DKK3: variants seen among roughly 807,000 people sequenced by gnomAD.
DKK3 encodes dickkopf-related protein 3.
In DKK3, 22 loss-of-function variants were observed where a neutral mutation model predicts 33.2. The ratio of observed to expected loss-of-function variants is 0.66; its 90% CI spans 0.47 to 0.95. The LOEUF (loss-of-function observed/expected upper bound fraction) is 0.95. Ranked by LOEUF, DKK3 falls within the 40% of genes least tolerant of loss-of-function variation. DKK3 has a pLI of 0.00. For synonymous variants in DKK3, 194 were observed against 188.8 expected (o/e 1.03, Z -0.23); for missense variants, 398 against 458.4 (o/e 0.87, Z 1.20).
chr11:12,005,947 T>C (rs889804941), intron 1 of DKK3, among the ~76,000 whole-genome samples: 2 of 152,240 alleles, frequency 1.3e-5, no homozygotes, highest in African/African-American at 2.4e-5. Flanking sequence ...AGATAGATTC[T>C]ATTGAGAATC....
rs1283110071 is a variant in DKK3 at position 12,008,344 on chromosome 11, G to A, written c.213+26C>T. On this transcript the variant is annotated intron_variant, in intron 1 of 6. Coordinates refer to ENST00000683431, the MANE Select transcript of DKK3 (RefSeq NM_001018057.2). The surrounding 1 kb of genome is among the most constrained non-coding windows in gnomAD (Gnocchi z 4.6). ...TGCCCCCAGTCTGGCGCTTCTCAGA[G>A]CCCCGCGCCGCCAGGGCGCACCCAC... 3.8e-6 allele frequency: 6 copies of A among 1,591,502 alleles called. No individual in the cohort carries two copies. Among genetic ancestry groups the A allele is most frequent in the Non-Finnish European group, 5.1e-6 (6 of 1,174,106 alleles).
upstream of DKK3, chr11:12,009,419 G>T: frequency 2.1e-6 from 2 of 962,030 alleles, no homozygotes; most frequent in Non-Finnish European, 1.2e-6. Flanking sequence ...CCCCGCGGAG[G>T]GGCCGCAGCC....
chr11:11,998,628 G>T, intron 3 of DKK3, 68 bp downstream of exon 3: 1 of 1,427,780 alleles, frequency 7.0e-7, no homozygotes, highest in Non-Finnish European at 9.9e-7. Flanking sequence ...CTGAGTCACC[G>T]TTGGCAAACT....
chr11:11,976,170 G>C (rs1376937157), intron 3 of DKK3, among the ~76,000 whole-genome samples: 3 of 152,204 alleles, frequency 2.0e-5, no homozygotes, highest in African/African-American at 2.4e-5. Flanking sequence ...AAAAGGCCCA[G>C]AACATCAGGC....
At chr11:11,978,312 C>G (rs889141885) in intron 3 of DKK3, among the ~76,000 whole-genome samples, 11 of 152,128 alleles carry the variant, frequency 7.2e-5, no homozygotes, top group Non-Finnish European at 1.0e-4. Flanking sequence ...GGAAGCACTG[C>G]CCTTCCTCCC....
intron 4 of DKK3, 49 bp downstream of exon 4, chr11:11,968,346 G>C: frequency 6.4e-7 from 1 of 1,555,074 alleles, no homozygotes; most frequent in Non-Finnish European, 8.8e-7. Context: ...TTCTCCCCCA[G>C]GTGCCTGAGA....
chr11:11,967,147 G>C (rs756751989), intron 4 of DKK3, 49 bp from the exon 5 acceptor site: 4 of 1,595,038 alleles, frequency 2.5e-6, no homozygotes, highest in Non-Finnish European at 8.5e-7. Flanking sequence ...GGGACTGGGG[G>C]CCTGCTGAGA....
intron 5 of DKK3, 117 bp downstream of exon 5, chr11:11,966,837 G>T: frequency 7.1e-7 from 1 of 1,408,554 alleles, no homozygotes; most frequent in Non-Finnish European, 9.7e-7. Flanking sequence ...GCATTTGGGA[G>T]CCTATCCAAG....
upstream of DKK3, chr11:12,009,105 C>G: frequency 1.0e-6 from 1 of 985,768 alleles, no homozygotes; most frequent in Non-Finnish European, 1.2e-6. Context: ...GCGCCCCGCC[C>G]CACATCCACC....
intron 1 of DKK3, among the ~76,000 whole-genome samples, chr11:12,005,777 T>A (rs534529735): frequency 2.6e-5 from 4 of 152,340 alleles, no homozygotes; most frequent in African/African-American, 9.6e-5. Flanking sequence ...CCAATTATCC[T>A]GTGTCTATGA....
At chr11:11,966,809 T>C (rs1590497029) in intron 5 of DKK3, 145 bp downstream of exon 5, 2 of 1,136,828 alleles carry the variant, frequency 1.8e-6, no homozygotes, top group African/African-American at 1.5e-5. Context: ...GCTGTGGGAG[T>C]GCAGCACACA....
In DKK3 at chr11:11,964,461, G is replaced by C; in HGVS notation, c.*3C>G. On this transcript the variant is annotated 3_prime_UTR_variant, in exon 7 of 7. Coordinates refer to ENST00000683431, the MANE Select transcript of DKK3 (RefSeq NM_001018057.2). ...GCACATCTACCCACAGCCTGGTCCA[G>C]ATCTAAATCTCTTCCCCTCCCAGCA... The C allele has an allele frequency of 6.2e-7, 1 of 1,610,100 alleles. No individual in the cohort carries two copies. The highest frequency in any genetic ancestry group is 8.5e-7 in the Non-Finnish European group (1 of 1,179,902).
At chr11:11,974,894 C>T (rs1180410048) in intron 3 of DKK3, among the ~76,000 whole-genome samples, 1 of 151,786 alleles carries the variant, frequency 6.6e-6, no homozygotes, top group Admixed American at 6.6e-5. Context: ...AGACAGTGGA[C>T]CCCATCTTGA....
intron 3 of DKK3, among the ~76,000 whole-genome samples, chr11:11,983,447 G>A (rs552623023): frequency 2.0e-5 from 3 of 152,252 alleles, no homozygotes; most frequent in East Asian, 1.9e-4. Context: ...CCTTCGGTGG[G>A]GCAGGTGAAA....
chr11:11,974,085 A>G (rs569213071), intron 3 of DKK3, among the ~76,000 whole-genome samples: 4 of 152,354 alleles, frequency 2.6e-5, no homozygotes, highest in African/African-American at 9.6e-5. Flanking sequence ...GGCCTTCCCC[A>G]AGCTCCTCTC....
At chr11:11,983,758 G>T (rs563717650) in intron 3 of DKK3, among the ~76,000 whole-genome samples, 1 of 152,236 alleles carries the variant, frequency 6.6e-6, no homozygotes. Flanking sequence ...AGATGCCCCA[G>T]GATGAGCTGG....
intron 3 of DKK3, among the ~76,000 whole-genome samples, chr11:11,997,393 C>T (rs982299050): frequency 1.3e-5 from 2 of 152,202 alleles, no homozygotes; most frequent in Non-Finnish European, 2.9e-5. Context: ...CCTCTAGGAC[C>T]ATGATCATAT....
At position 12,008,391 on chromosome 11, in the gene DKK3, T is replaced by C; in HGVS notation, c.192A>G (p.Lys64=). 1 of 1,607,254 alleles carries C rather than the reference T, an allele frequency of 6.2e-7. No individual in the cohort carries two copies. The highest frequency in any genetic ancestry group is 8.5e-7 in the Non-Finnish European group (1 of 1,178,122). The stretch of plus-strand genomic sequence containing the variant: ...CCACCTCTTCCACCGCGCTGCGCAA[T>C]TTGTGCTGCGTGTCCTCCATCAGTT... ...VEELMEDTQH[K]LRSAVEEMEA... Residue 64 remains lysine (K), a synonymous_variant, in exon 1 of 7, where the codon AAA becomes AAG. Transcript: ENST00000683431. This position sits in a 1 kb window ranked among gnomAD's most constrained non-coding sequence, Gnocchi z 4.6.
chr11:11,994,612 T>A (rs1309204563), intron 3 of DKK3: 2 of 152,078 alleles, frequency 1.3e-5, no homozygotes, highest in Non-Finnish European at 2.9e-5. Context: ...CGATTCCTCA[T>A]CATGTTACCT....
Sources: gnomAD v4.1 joint callset for allele counts (sites outside exome capture counted in the v4.1 genomes callset) on GRCh38, gnomAD v4.1.1 for gene constraint, Gnocchi (gnomAD v3.1) non-coding constraint, MANE v1.5 for transcripts, NCBI Gene and HGNC (gene_info 2026-07-23, HGNC 2026-07-21) for gene names.